Variants in CCBE1 observed in about 807,000 individuals in gnomAD.
CCBE1 encodes collagen and calcium binding EGF domains 1.
A neutral mutation model predicts 50.0 loss-of-function variants in CCBE1; 37 were observed. That is an observed-to-expected ratio of 0.74 (90% CI 0.57 to 0.97). The LOEUF (loss-of-function observed/expected upper bound fraction) is 0.97, where lower values mean the gene tolerates loss of function less well. CCBE1 is among the 50% of genes least tolerant of loss of function. The pLI, the probability that CCBE1 is intolerant of heterozygous loss-of-function variation, is 0.00. For synonymous variants in CCBE1, 234 were observed against 203.7 expected, an observed-to-expected ratio of 1.15 and a Z score of -1.27; for missense variants, 538 against 523.8, an observed-to-expected ratio of 1.03 and a Z score of -0.26.
At chr18:59,494,143 T>C (rs1913238506) in intron 2 of CCBE1, among the ~76,000 whole-genome samples, 1 of 152,120 alleles carries the variant, frequency 6.6e-6, no homozygotes, top group Admixed American at 6.6e-5. Flanking sequence ...GTAACAGAAG[T>C]GTAATGTGTC....
intron 2 of CCBE1, among the ~76,000 whole-genome samples, chr18:59,665,474 T>G (rs2054341212): frequency 6.6e-6 from 1 of 152,172 alleles, no homozygotes; most frequent in African/African-American, 2.4e-5. Flanking sequence ...ATGAAGCAAT[T>G]TAACGGGAAA....
intron 2 of CCBE1, among the ~76,000 whole-genome samples, chr18:59,675,238 A>G (rs989404393): frequency 1.3e-5 from 2 of 152,198 alleles, no homozygotes; most frequent in Non-Finnish European, 1.5e-5. Context: ...GTTCTCTAGT[A>G]ATGTGCATTA....
chr18:59,568,195 G>A (rs2052858319), intron 2 of CCBE1: 1 of 149,626 alleles, frequency 6.7e-6, no homozygotes, highest in Non-Finnish European at 1.5e-5. Context: ...GGCAGAATGT[G>A]AGGTTCTGCC....
intron 6 of CCBE1, among the ~76,000 whole-genome samples, chr18:59,448,932 A>G (rs1407455600): frequency 6.6e-6 from 1 of 152,296 alleles, no homozygotes; most frequent in East Asian, 1.9e-4. Context: ...ATAGACCACC[A>G]CAACCTGCAG....
At chr18:59,457,417 G>A (rs1911247623) in intron 5 of CCBE1, among the ~76,000 whole-genome samples, 1 of 152,208 alleles carries the variant, frequency 6.6e-6, no homozygotes, top group Non-Finnish European at 1.5e-5. Flanking sequence ...ACCTTGGGCA[G>A]GTTACTTGGC....
chr18:59,609,788 A>G (rs80265173), intron 2 of CCBE1, among the ~76,000 whole-genome samples: 4,013 of 152,298 alleles, frequency 0.026, 182 homozygotes, highest in African/African-American at 0.092. Flanking sequence ...AACTTTTTCA[A>G]TTCTTAAAAC....
At position 59,431,153 on chromosome 18, in the gene CCBE1, T is replaced by G. The variant is rs938648058; in HGVS notation, c.*4755A>C. On this transcript the variant is annotated 3_prime_UTR_variant, in exon 11 of 11. Transcript: ENST00000439986. ...CCTAAGGGGACTTGCTTTGATCCCCTGGGGAGTAAGAGGGTCCTTTTCTAT... is the reference window on the plus strand; with the variant it reads ...CCTAAGGGGACTTGCTTTGATCCCCGGGGGAGTAAGAGGGTCCTTTTCTAT... 1 of 152,204 alleles carries G rather than the reference T, an allele frequency of 6.6e-6. No individual in the cohort carries two copies. The highest frequency in any genetic ancestry group is 1.5e-5 in the Non-Finnish European group (1 of 68,038). The allele number at this position is 152,204 out of a possible 1,614,324, so 9.4% of individuals were successfully genotyped here.
intron 7 of CCBE1, among the ~76,000 whole-genome samples, chr18:59,442,465 T>C (rs1169839369): frequency 6.6e-6 from 1 of 152,166 alleles, no homozygotes; most frequent in Non-Finnish European, 1.5e-5. Flanking sequence ...CGGTGGCTCA[T>C]GCCTGTAATC....
At chr18:59,603,498 A>T (rs552612957) in intron 2 of CCBE1, among the ~76,000 whole-genome samples, 4 of 152,232 alleles carry the variant, frequency 2.6e-5, no homozygotes, top group Non-Finnish European at 5.9e-5. Flanking sequence ...GGCCTCCTCC[A>T]GGGAAGATAC....
intron 2 of CCBE1, among the ~76,000 whole-genome samples, chr18:59,498,725 T>C (rs1426799520): frequency 6.6e-6 from 1 of 152,238 alleles, no homozygotes; most frequent in Non-Finnish European, 1.5e-5. Context: ...TCTGTCTGGC[T>C]GGCTTTTTCT....
intron 2 of CCBE1, among the ~76,000 whole-genome samples, chr18:59,546,512 C>A (rs1253703866): frequency 6.6e-6 from 1 of 152,222 alleles, no homozygotes; most frequent in East Asian, 1.9e-4. Context: ...CACAGAGGCC[C>A]AGTCCCCTGC....
At chr18:59,576,063 T>C (rs2052990876) in intron 2 of CCBE1, among the ~76,000 whole-genome samples, 1 of 152,232 alleles carries the variant, frequency 6.6e-6, no homozygotes. Flanking sequence ...GCATCATGTA[T>C]TTAAGATCCA....
intron 2 of CCBE1, among the ~76,000 whole-genome samples, chr18:59,580,296 A>G (rs2053063849): frequency 6.6e-6 from 1 of 152,144 alleles, no homozygotes; most frequent in Admixed American, 6.5e-5. Flanking sequence ...AATAACCTGG[A>G]AGCCCCCTCC....
At chr18:59,675,168 T>C (rs17771115) in intron 2 of CCBE1, among the ~76,000 whole-genome samples, 66,203 of 152,018 alleles carry the variant, frequency 0.44, 15,915 homozygotes, top group African/African-American at 0.64. Context: ...GTGTCACTAG[T>C]AGCTTTTGTT....
chr18:59,467,718 C>A (rs1345090406), intron 4 of CCBE1, among the ~76,000 whole-genome samples: 1 of 152,206 alleles, frequency 6.6e-6, no homozygotes, highest in Non-Finnish European at 1.5e-5. Context: ...TGGGTGGGAG[C>A]CGTGGCATGC....
At chr18:59,547,404 G>GC (rs1478433191) in intron 2 of CCBE1, among the ~76,000 whole-genome samples, 1 of 152,160 alleles carries the variant, frequency 6.6e-6, no homozygotes. Context: ...AAGACAAAGA[G>GC]CCCTGTTTTC....
At chr18:59,525,953 G>A (rs1023979277) in intron 2 of CCBE1, among the ~76,000 whole-genome samples, 5 of 152,154 alleles carry the variant, frequency 3.3e-5, no homozygotes, top group Admixed American at 6.6e-5. Flanking sequence ...CTATGTGTCT[G>A]TTTTTGTACC....
intron 2 of CCBE1, among the ~76,000 whole-genome samples, chr18:59,581,101 G>A (rs932045657): frequency 2.6e-5 from 4 of 152,178 alleles, no homozygotes; most frequent in Non-Finnish European, 5.9e-5. Flanking sequence ...ACATTGACAA[G>A]AGAAATATAA....
intron 2 of CCBE1, among the ~76,000 whole-genome samples, chr18:59,518,158 G>A (rs933416502): frequency 6.6e-6 from 1 of 152,180 alleles, no homozygotes; most frequent in African/African-American, 2.4e-5. Context: ...TATTCAGTCA[G>A]TTTTTACACA....
Sources: gnomAD v4.1 joint callset for allele counts (sites outside exome capture counted in the v4.1 genomes callset) on GRCh38, gnomAD v4.1.1 for gene constraint, MANE v1.5 for transcripts, NCBI Gene and HGNC (gene_info 2026-07-23, HGNC 2026-07-21) for gene names.